SPIDR: variants seen among roughly 807,000 people sequenced by gnomAD.
SPIDR encodes the protein scaffold protein involved in DNA repair.
Under a neutral mutation model 104.6 loss-of-function variants are expected in SPIDR, and 93 were observed. That is an observed-to-expected ratio of 0.89 (90% CI 0.75 to 1.06). The LOEUF (loss-of-function observed/expected upper bound fraction) is 1.06. Among genes scored for constraint, SPIDR ranks in the 50% least tolerant of loss-of-function variants. The probability of loss-of-function intolerance (pLI) is 0.00; values close to 1 mark genes in which losing one functional copy is unlikely to be tolerated. For missense variants in SPIDR, 1,154 were observed against 1,111.2 expected (o/e 1.04, Z -0.55); for synonymous variants, 431 against 416.9 (o/e 1.03, Z -0.41).
At chr8:47,627,418 A>T (rs1485093091) in intron 10 of SPIDR, among the ~76,000 whole-genome samples, 1 of 152,000 alleles carries the variant, frequency 6.6e-6, no homozygotes, top group African/African-American at 2.4e-5. Flanking sequence ...AAAAGAAATG[A>T]TTTACCGCTA....
chr8:47,660,975 A>G, intron 10 of SPIDR: 1 of 985,344 alleles, frequency 1.0e-6, no homozygotes, highest in Non-Finnish European at 1.2e-6. Context: ...CTGGGTGTGA[A>G]ACAAATTCAC....
At chr8:47,619,657 C>G (rs1196420243) in intron 10 of SPIDR, among the ~76,000 whole-genome samples, 1 of 151,170 alleles carries the variant, frequency 6.6e-6, no homozygotes. Context: ...CACTCTGTTG[C>G]CTAGGCCCAG....
intron 5 of SPIDR, chr8:47,388,515 A>G (rs888587755): frequency 7.8e-5 from 12 of 153,986 alleles, no homozygotes; most frequent in African/African-American, 2.9e-4. Flanking sequence ...GCATGAGCTC[A>G]TGGACTTTTC....
chr8:47,614,231 AT>A (rs1043551665), intron 10 of SPIDR, among the ~76,000 whole-genome samples: 1 of 150,518 alleles, frequency 6.6e-6, no homozygotes, highest in African/African-American at 2.5e-5. Flanking sequence ...TTATTTTTTA[AT>A]TTTTTTAGAT....
chr8:47,396,501 A>G lies in SPIDR; in HGVS notation c.651A>G (p.Arg217=). 1.9e-6 allele frequency: 3 copies of G among 1,614,168 alleles called. No individual in the cohort carries two copies. The highest frequency in any genetic ancestry group is 4.5e-5 in the East Asian group (2 of 44,870). Residue 217 remains arginine (R), a synonymous_variant, in exon 6 of 20, where the codon AGA becomes AGG. Transcript: ENST00000297423. ...ACGTGCAGTTTGCATCGGATGCAAG[A>G]CAGATTATGGAGAGACTGATAGATC... ...KYHVQFASDA[R]QIMERLIDPR...
chr8:47,729,592 G>T, intron 19 of SPIDR, 127 bp downstream of exon 19: 1 of 1,049,370 alleles, frequency 9.5e-7, no homozygotes, highest in South Asian at 1.6e-5. Flanking sequence ...AAGTGGTGTA[G>T]ACACTCGAGA....
chr8:47,686,309 T>G (rs2077816470), intron 11 of SPIDR, among the ~76,000 whole-genome samples: 1 of 152,224 alleles, frequency 6.6e-6, no homozygotes, highest in Non-Finnish European at 1.5e-5. Context: ...ATAGAAATGT[T>G]CCTGTATTAA....
intron 5 of SPIDR, among the ~76,000 whole-genome samples, chr8:47,373,377 G>T (rs1483363327): frequency 1.3e-5 from 2 of 152,164 alleles, no homozygotes; most frequent in African/African-American, 2.4e-5. Flanking sequence ...TGGGCATATG[G>T]TTGGTACACA....
At chr8:47,552,309 C>G (rs1315945192) in intron 8 of SPIDR, among the ~76,000 whole-genome samples, 2 of 152,148 alleles carry the variant, frequency 1.3e-5, no homozygotes, top group Non-Finnish European at 1.5e-5. Flanking sequence ...GAGCTGAGTT[C>G]AAGACCTGGA....
chr8:47,399,552 G>C (rs1554660991), intron 6 of SPIDR, among the ~76,000 whole-genome samples: 1 of 152,228 alleles, frequency 6.6e-6, no homozygotes, highest in Non-Finnish European at 1.5e-5. Context: ...AGTGGGGACA[G>C]ATGAACTGGA....
chr8:47,530,749 T>A (rs1476167301), intron 8 of SPIDR, among the ~76,000 whole-genome samples: 1 of 152,206 alleles, frequency 6.6e-6, no homozygotes, highest in African/African-American at 2.4e-5. Flanking sequence ...TAATAATAAA[T>A]TAACCTTAGT....
intron 8 of SPIDR, among the ~76,000 whole-genome samples, chr8:47,536,061 C>CA (rs1205743621): frequency 6.8e-6 from 1 of 146,324 alleles, no homozygotes; most frequent in East Asian, 2.0e-4. Context: ...ACATTTGCAT[C>CA]AAAAAAATCA....
At chr8:47,578,058 T>C (rs936313559) in intron 8 of SPIDR, among the ~76,000 whole-genome samples, 1 of 152,206 alleles carries the variant, frequency 6.6e-6, no homozygotes, top group Non-Finnish European at 1.5e-5. Context: ...GAATGATAAC[T>C]TAAAGACTAA....
At position 47,477,276 on chromosome 8, in the gene SPIDR, T is replaced by C. The variant is rs200287704; in HGVS notation, c.1097+36734T>C. On this transcript the variant is annotated intron_variant, in intron 8 of 19. Coordinates refer to ENST00000297423, the MANE Select transcript of SPIDR (RefSeq NM_001080394.4). ...GTGCAGTGGTGCTATCTCAGCTCACTGCAACCTCTGCCTCCAGGGTCCAAG... is the reference window on the plus strand; with the variant it reads ...GTGCAGTGGTGCTATCTCAGCTCACCGCAACCTCTGCCTCCAGGGTCCAAG... 1.2e-4 allele frequency among the ~76,000 whole-genome samples: 19 copies of C among 152,288 alleles called. No homozygotes were observed. In the East Asian group the frequency reaches 2.1e-3, roughly 17 times the overall value.
intron 10 of SPIDR, among the ~76,000 whole-genome samples, chr8:47,672,500 A>G (rs1258897325): frequency 6.6e-6 from 1 of 152,136 alleles, no homozygotes; most frequent in Non-Finnish European, 1.5e-5. Context: ...TCATATATAC[A>G]CTTTTCAGAT....
intron 10 of SPIDR, among the ~76,000 whole-genome samples, chr8:47,616,489 G>T (rs1368174141): frequency 6.6e-6 from 1 of 152,194 alleles, no homozygotes; most frequent in Admixed American, 6.5e-5. Context: ...TCTTAGTAGA[G>T]AAGGTGTTTA....
intron 10 of SPIDR, among the ~76,000 whole-genome samples, chr8:47,633,884 G>A (rs924646085): frequency 1.3e-5 from 2 of 151,626 alleles, no homozygotes; most frequent in African/African-American, 4.8e-5. Flanking sequence ...GCTTGAGCCC[G>A]GGGTTCAGAA....
chr8:47,425,364 G>C (rs374199749), intron 7 of SPIDR, among the ~76,000 whole-genome samples: 1 of 152,224 alleles, frequency 6.6e-6, no homozygotes, highest in East Asian at 1.9e-4. Flanking sequence ...TGCACCCTTA[G>C]ACCTTCTCTT....
chr8:47,427,453 A>G (rs138654184), intron 7 of SPIDR, among the ~76,000 whole-genome samples: 3 of 152,322 alleles, frequency 2.0e-5, no homozygotes, highest in East Asian at 1.9e-4. Context: ...TAATACTTCT[A>G]TGTCAGGAAG....
Sources: gnomAD v4.1 joint callset for allele counts (sites outside exome capture counted in the v4.1 genomes callset) on GRCh38, gnomAD v4.1.1 for gene constraint, MANE v1.5 for transcripts, NCBI Gene and HGNC (gene_info 2026-07-23, HGNC 2026-07-21) for gene names.